The following PKP4 variants were observed in gnomAD, a reference collection of about 807,000 sequenced individuals.
PKP4 encodes plakophilin-4.
Under a neutral mutation model 145.1 loss-of-function variants are expected in PKP4, and 90 were observed. The ratio of observed to expected loss-of-function variants is 0.62; its 90% CI spans 0.52 to 0.74. The LOEUF is 0.74. Ranked by LOEUF, PKP4 falls within the 30% of genes least tolerant of loss-of-function variation. The pLI, the probability that PKP4 is intolerant of heterozygous loss-of-function variation, is 0.00. For synonymous variants in PKP4, 563 were observed against 577.2 expected (o/e 0.98, Z 0.35); for missense variants, 1,340 against 1,482.7 (o/e 0.90, Z 1.58).
intron 3 of PKP4, among the ~76,000 whole-genome samples, chr2:158,594,585 A>C (rs1288984547): frequency 1.3e-5 from 2 of 152,178 alleles, no homozygotes; most frequent in Non-Finnish European, 2.9e-5. Flanking sequence ...GGAAGAAAGA[A>C]ATCAGTCTCC....
intron 1 of PKP4, among the ~76,000 whole-genome samples, chr2:158,468,057 T>C (rs761927521): frequency 3.3e-5 from 5 of 152,246 alleles, no homozygotes; most frequent in Non-Finnish European, 5.9e-5. Flanking sequence ...TTCCAACTTA[T>C]AGCTATTACA....
At chr2:158,656,137 GA>G (rs1480762813) in intron 11 of PKP4, among the ~76,000 whole-genome samples, 12 of 152,172 alleles carry the variant, frequency 7.9e-5, no homozygotes, top group Non-Finnish European at 1.8e-4. Context: ...TGAGTCAATT[GA>G]GGTGGGGATC....
intron 11 of PKP4, among the ~76,000 whole-genome samples, chr2:158,649,551 C>T (rs937319616): frequency 5.3e-5 from 8 of 152,110 alleles, no homozygotes; most frequent in African/African-American, 1.7e-4. Flanking sequence ...GTCTATGAAA[C>T]GTGATTTTAG....
intron 1 of PKP4, among the ~76,000 whole-genome samples, chr2:158,498,192 A>G (rs1304009749): frequency 1.9e-4 from 29 of 152,074 alleles, no homozygotes; most frequent in Admixed American, 1.7e-3. Flanking sequence ...GGGTCTTACT[A>G]TGTTGCCCAG....
At chr2:158,599,225 A>G (rs2050027984) in intron 3 of PKP4, among the ~76,000 whole-genome samples, 1 of 152,212 alleles carries the variant, frequency 6.6e-6, no homozygotes, top group Non-Finnish European at 1.5e-5. Context: ...AAGACCAGTT[A>G]GGAGAGAGAC....
intron 2 of PKP4, among the ~76,000 whole-genome samples, chr2:158,551,775 AATCAAAAT>A (rs762167578): frequency 2.0e-5 from 3 of 152,222 alleles, no homozygotes; most frequent in Non-Finnish European, 4.4e-5. Flanking sequence ...TAAGTGAAAA[AATCAAAAT>A]AAGTATCTCA....
At chr2:158,631,693 A>G (rs941470481) in intron 7 of PKP4, 60 bp from the exon 8 acceptor site, 1 of 1,398,704 alleles carries the variant, frequency 7.1e-7, no homozygotes, top group Admixed American at 1.7e-5. Context: ...ATTAGGGTTT[A>G]TGTTTTTAAC....
intron 2 of PKP4, among the ~76,000 whole-genome samples, chr2:158,552,436 C>T (rs760191861): frequency 6.6e-5 from 10 of 152,050 alleles, no homozygotes; most frequent in Non-Finnish European, 1.2e-4. Context: ...GTAACAAATA[C>T]CTAAAAATGT....
At chr2:158,485,672 T>G (rs1694061453) in intron 1 of PKP4, among the ~76,000 whole-genome samples, 1 of 152,178 alleles carries the variant, frequency 6.6e-6, no homozygotes, top group Admixed American at 6.6e-5. Context: ...AAACAAAACA[T>G]TTAACCCTTT....
intron 1 of PKP4, among the ~76,000 whole-genome samples, chr2:158,481,925 T>G (rs1693416558): frequency 6.6e-6 from 1 of 152,212 alleles, no homozygotes; most frequent in Non-Finnish European, 1.5e-5. Context: ...CCAAATTATT[T>G]TATAACTTTA....
chr2:158,479,135 T>A (rs1692953743), intron 1 of PKP4, among the ~76,000 whole-genome samples: 1 of 152,176 alleles, frequency 6.6e-6, no homozygotes, highest in African/African-American at 2.4e-5. Context: ...AGTATTGTTT[T>A]TTAAACCTTT....
At chr2:158,489,369 TGAAA>T (rs1694620752) in intron 1 of PKP4, among the ~76,000 whole-genome samples, 2 of 152,228 alleles carry the variant, frequency 1.3e-5, no homozygotes, top group South Asian at 4.1e-4. Flanking sequence ...CCCTGACAAA[TGAAA>T]GAGATTTCTG....
In PKP4 at chr2:158,621,083, T is replaced by G; in HGVS notation, c.374T>G (p.Leu125Arg). The G allele has an allele frequency of 6.2e-7, 1 of 1,614,152 alleles. No homozygotes were observed. Among genetic ancestry groups the G allele is most frequent in the Middle Eastern group, 1.6e-4 (1 of 6,062 alleles). Residue 125 changes from leucine to arginine, a missense_variant, in exon 5 of 22, where the codon CTC becomes CGC. Coordinates refer to ENST00000389759, the MANE Select transcript of PKP4 (RefSeq NM_003628.6). Reference sequence around the variant, plus strand: ...AGGACAGAGCCAGAACAAGGAACCCTCTATTCACCAGAACAGACATCTCTC... The same window carrying G: ...AGGACAGAGCCAGAACAAGGAACCCGCTATTCACCAGAACAGACATCTCTC... Reference protein sequence around the residue: ...LIRTEPEQGTLYSPEQTSLHE... With the variant: ...LIRTEPEQGTRYSPEQTSLHE...
intron 11 of PKP4, among the ~76,000 whole-genome samples, chr2:158,651,270 A>G (rs2105952464): frequency 6.6e-6 from 1 of 152,212 alleles, no homozygotes. Flanking sequence ...TTCTGTTAAC[A>G]GTGCCATATT....
At chr2:158,475,711 G>A (rs1225058987) in intron 1 of PKP4, among the ~76,000 whole-genome samples, 1 of 152,116 alleles carries the variant, frequency 6.6e-6, no homozygotes, top group Non-Finnish European at 1.5e-5. Flanking sequence ...TTGTAGTCTG[G>A]CAGAAGTGCC....
At chr2:158,603,583 A>T (rs1268222061) in intron 4 of PKP4, among the ~76,000 whole-genome samples, 7 of 152,110 alleles carry the variant, frequency 4.6e-5, no homozygotes, top group Non-Finnish European at 8.8e-5. Context: ...TTTTTAACCT[A>T]AATTCACCAC....
At chr2:158,622,716 A>C (rs2052372458) in intron 6 of PKP4, among the ~76,000 whole-genome samples, 2 of 152,332 alleles carry the variant, frequency 1.3e-5, no homozygotes, top group South Asian at 4.1e-4. Context: ...TTCAAGCTAA[A>C]ATGGGAAATC....
intron 19 of PKP4, 83 bp downstream of exon 19, chr2:158,674,083 C>A: frequency 1.2e-6 from 1 of 824,650 alleles, no homozygotes; most frequent in Non-Finnish European, 2.2e-6. Flanking sequence ...CAAACATAAG[C>A]TGGTTAAGCC....
chr2:158,512,349 C>T (rs750612623), intron 1 of PKP4, among the ~76,000 whole-genome samples: 13 of 152,276 alleles, frequency 8.5e-5, no homozygotes, highest in South Asian at 2.1e-4. Flanking sequence ...GTGATTTAAA[C>T]CCATGAATAT....
Sources: gnomAD v4.1 joint callset for allele counts (sites outside exome capture counted in the v4.1 genomes callset) on GRCh38, gnomAD v4.1.1 for gene constraint, MANE v1.5 for transcripts, NCBI Gene and HGNC (gene_info 2026-07-23, HGNC 2026-07-21) for gene names.